The following POLE variants were observed in gnomAD, a reference collection of about 807,000 sequenced individuals.
POLE encodes DNA polymerase epsilon catalytic subunit A.
Under a neutral mutation model 279.2 loss-of-function variants are expected in POLE, and 188 were observed. That is an observed-to-expected ratio of 0.67 (90% CI 0.60 to 0.76). The LOEUF (loss-of-function observed/expected upper bound fraction) is 0.76. POLE is among the 30% of genes least tolerant of loss of function. The probability of loss-of-function intolerance (pLI) is 0.00; values close to 1 mark genes in which losing one functional copy is unlikely to be tolerated. For missense variants in POLE, 2,703 were observed against 3,016.7 expected, an observed-to-expected ratio of 0.90 and a Z score of 2.44; for synonymous variants, 1,214 against 1,172.5, an observed-to-expected ratio of 1.04 and a Z score of -0.72.
chr12:132,630,556 C>G (rs2041916382), intron 45 of POLE, among the ~76,000 whole-genome samples: 1 of 152,092 alleles, frequency 6.6e-6, no homozygotes, highest in Non-Finnish European at 1.5e-5. Context: ...TCGAGACCAG[C>G]CTGGCCAACA....
In POLE at chr12:132,632,717, C is replaced by A; in HGVS notation, c.6083G>T (p.Arg2028Met). The A allele has an allele frequency of 6.2e-7, 1 of 1,613,840 alleles. No individual in the cohort carries two copies. The highest frequency in any genetic ancestry group is 8.5e-7 in the Non-Finnish European group (1 of 1,179,978). Residue 2028 changes from arginine to methionine, a missense_variant, in exon 44 of 49, where the codon AGG becomes ATG. By Grantham distance (91) the Arg-to-Met change is moderately conservative. Transcript: ENST00000320574. ...CTCCTGGGAGAGCTGGCTGGCCCCCCTCCTCCTCACGGGGGTGCTCCCTGG... is the reference window on the plus strand; with the variant it reads ...CTCCTGGGAGAGCTGGCTGGCCCCCATCCTCCTCACGGGGGTGCTCCCTGG... ...SAPGSTPVRR[R>M]GASQLSQEAE...
rs1555222550 is a variant in POLE, at chr12:132,642,522, C to A, written c.4936G>T (p.Ala1646Ser). Residue 1646 changes from alanine (A) to serine (S), a missense_variant, in exon 37 of 49, where the codon GCC (alanine) becomes TCC (serine). Around this residue, in one of 5 missense-constraint regions of POLE, gnomAD observed 1,551 missense variants for 1,686.1 expected, o/e 0.92. Transcript: ENST00000320574. ...TGTGCTCACCTGCTCATCTCGAAGG[C>A]CTGCGACAGGCAGGTGTCCAGGTTG... is the stretch of plus-strand genomic sequence containing the variant. ...YLNLDTCLSQ[A>S]FEMSRYFHIP... 6.2e-7 allele frequency: 1 copy of A among 1,613,726 alleles called. No homozygotes were observed. Among genetic ancestry groups the A allele is most frequent in the Non-Finnish European group, 8.5e-7 (1 of 1,180,022 alleles).
rs763078534 is a variant in POLE, at chr12:132,672,705, A to G, written c.1608T>C (p.Ser536=). Residue 536 remains serine (S), a synonymous_variant, in exon 15 of 49, where the codon TCT becomes TCC. Transcript: ENST00000320574. The part of the protein sequence containing the change: ...KLTDDGHVLD[S]ETYVGGHVEA... The stretch of plus-strand genomic sequence containing the variant: ...CCACGTGGCCCCCGACGTAGGTCTC[A>G]GAGTCCAGCACGTGTCCGTCGTCCG... 2.5e-6 allele frequency: 4 copies of G among 1,614,060 alleles called. No individual in the cohort carries two copies. The African/African-American group carries it at 4.0e-5, about 16-fold the overall frequency.
At chr12:132,632,872 T>C (rs979192887) in intron 43 of POLE, 77 bp from the exon 44 acceptor site, 4 of 1,467,310 alleles carry the variant, frequency 2.7e-6, no homozygotes, top group Non-Finnish European at 3.6e-6. Context: ...GACCCATGGC[T>C]GGTCAGATTG....
At chr12:132,672,862 C>A in intron 14 of POLE, 23 bp from the exon 15 acceptor site, 1 of 1,601,506 alleles carries the variant, frequency 6.2e-7, no homozygotes, top group South Asian at 1.1e-5. Context: ...CCAAGGCTTC[C>A]AGCCAAAAGC....
chr12:132,657,103 C>T (rs2138655482), intron 29 of POLE, 33 bp downstream of exon 29: 1 of 1,611,104 alleles, frequency 6.2e-7, no homozygotes, highest in South Asian at 1.1e-5. Context: ...CACAAGGATC[C>T]CGCCCAGCCC....
rs749992643 is a variant in POLE at position 132,634,324 on chromosome 12, C to T, written c.5866G>A (p.Glu1956Lys). Residue 1956 changes from glutamate to lysine, a missense_variant, in exon 43 of 49, where the codon GAG (glutamate) becomes AAG (lysine). Physicochemically the swap from Glu to Lys is moderately conservative, Grantham distance 56 (BLOSUM62 1). Coordinates refer to ENST00000320574, the MANE Select transcript of POLE (RefSeq NM_006231.4). This position sits in a 1 kb window ranked among gnomAD's most constrained non-coding sequence, Gnocchi z 4.0. ...TCCTCCTCCCCATCTCTTTCCTCCT[C>T]ATCGTCCTCATTTTCCTGCTCATCC... Reference protein sequence around the residue: ...AEDEQENEDDEEERDGEEEEE... With the variant: ...AEDEQENEDDKEERDGEEEEE... 1.6e-5 allele frequency: 26 copies of T among 1,614,002 alleles called. No individual in the cohort carries two copies. The highest frequency in any genetic ancestry group is 2.1e-5 in the Non-Finnish European group (25 of 1,179,976).
rs749720207 is a variant in POLE, at chr12:132,680,651, C to T, written c.241G>A (p.Ala81Thr). 8 of 1,613,962 alleles carry T rather than the reference C, an allele frequency of 5.0e-6. No individual in the cohort carries two copies. Among genetic ancestry groups the T allele is most frequent in the East Asian group, 4.5e-5 (2 of 44,898 alleles). Residue 81 changes from alanine (A) to threonine (T), a missense_variant, in exon 3 of 49, where the codon GCA becomes ACA. Coordinates refer to ENST00000320574, the MANE Select transcript of POLE (RefSeq NM_006231.4). Reference sequence around the variant, plus strand: ...TCTTGAATAAAGTAGTAATCCACTGCACTGCCTAAGCGCTTATCTTCATCT... The same window carrying T: ...TCTTGAATAAAGTAGTAATCCACTGTACTGCCTAAGCGCTTATCTTCATCT... ...ILDEDKRLGSAVDYYFIQDDG... is the reference protein window; with the variant it reads ...ILDEDKRLGSTVDYYFIQDDG...
chr12:132,665,057 C>A (rs1476289434), intron 21 of POLE, among the ~76,000 whole-genome samples: 2 of 152,074 alleles, frequency 1.3e-5, no homozygotes, highest in East Asian at 3.9e-4. Flanking sequence ...TGTCTCCAGC[C>A]CATGATGCAG....
chr12:132,668,831 T>C lies in POLE; in HGVS notation c.1903A>G (p.Ile635Val). The stretch of plus-strand genomic sequence containing the variant: ...CTCACCTGCAGGCGGTTGGTCAGGA[T>C]GATGTTGGGGTACATGGCCCCCACG... ...LDVGAMYPNI[I>V]LTNRLQPSAM... Residue 635 changes from isoleucine (I) to valine (V), a missense_variant, in exon 17 of 49, where the codon ATC becomes GTC. By Grantham distance (29) the Ile-to-Val change is conservative. This residue lies in a region of POLE where 1,011 missense variants were observed against 1,111.7 expected (regional missense o/e 0.91). Coordinates refer to ENST00000320574, the MANE Select transcript of POLE (RefSeq NM_006231.4). The surrounding 1 kb of genome is among the most constrained non-coding windows in gnomAD (Gnocchi z 4.0). 2 of 1,614,176 alleles carry C rather than the reference T, an allele frequency of 1.2e-6. No homozygotes were observed. The highest frequency in any genetic ancestry group is 1.7e-6 in the Non-Finnish European group (2 of 1,180,032).
Position 132,632,761 on chromosome 12 carries a change from G to A in POLE, c.6039C>T (p.Asp2013=), listed in dbSNP as rs371563366. ...YIVAVYHCMK[D]GLRRSAPGST... is the part of the protein sequence containing the mutation. ...TCCCTGGAGCACTGCGCCTCAGCCCGTCCTTCATGCAGTGGTACACGGCCA... is the reference window on the plus strand; with the variant it reads ...TCCCTGGAGCACTGCGCCTCAGCCCATCCTTCATGCAGTGGTACACGGCCA... The change falls in exon 44 of 49, where the codon GAC becomes GAT. Residue 2013 remains aspartate (D), a synonymous_variant. Coordinates refer to ENST00000320574, the MANE Select transcript of POLE (RefSeq NM_006231.4). 53 of 1,611,844 alleles carry A rather than the reference G, an allele frequency of 3.3e-5. No homozygotes were observed. The highest frequency in any genetic ancestry group is 3.0e-4 in the Admixed American group (18 of 59,968).
intron 30 of POLE, 23 bp from the exon 31 acceptor site, chr12:132,649,538 C>A (rs1369426668): frequency 6.2e-7 from 1 of 1,609,000 alleles, no homozygotes; most frequent in Non-Finnish European, 8.5e-7. Context: ...GTGAGCACAG[C>A]CAGTGTGCAA....
At chr12:132,681,451 C>T (rs2043167286) in intron 1 of POLE, among the ~76,000 whole-genome samples, 172 bp from the exon 2 acceptor site, 2 of 151,958 alleles carry the variant, frequency 1.3e-5, no homozygotes, top group African/African-American at 4.8e-5. Flanking sequence ...TCACGCCATT[C>T]TCCTGCCTCA....
intron 42 of POLE, among the ~76,000 whole-genome samples, chr12:132,635,205 G>C (rs5744998): frequency 6.6e-6 from 1 of 151,900 alleles, no homozygotes; most frequent in Non-Finnish European, 1.5e-5. Context: ...CCAGCCAGAC[G>C]TGACCCCTTC....
chr12:132,664,356 C>T lies in POLE; in HGVS notation c.2561+14G>A, dbSNP rs912028278. The T allele has an allele frequency of 6.8e-6, 11 of 1,611,806 alleles. No individual in the cohort carries two copies. The highest frequency in any genetic ancestry group is 6.7e-5 in the East Asian group (3 of 44,850). ...GACCTGCTCCCAGCCCCACGGCTCC[C>T]CTTCTGCACTCACCCAATCTGCTCG... On this transcript the variant is annotated intron_variant, in intron 22 of 48. Transcript: ENST00000320574. This position sits in a 1 kb window ranked among gnomAD's most constrained non-coding sequence, Gnocchi z 5.3.
Position 132,680,060 on chromosome 12 carries a change from G to C in POLE, c.331-14C>G. The C allele has an allele frequency of 6.2e-7, 1 of 1,608,622 alleles. No homozygotes were observed. Among genetic ancestry groups the C allele is most frequent in the Non-Finnish European group, 8.5e-7 (1 of 1,175,340 alleles). On this transcript the variant is annotated splice_polypyrimidine_tract_variant and intron_variant, in intron 4 of 48. Coordinates refer to ENST00000320574, the MANE Select transcript of POLE (RefSeq NM_006231.4). Reference sequence around the variant, plus strand: ...TCGCTCACAACCCTAATCAGGATCAGAATGAAAAGGCTTTCCATTGGTAAA... The same window carrying C: ...TCGCTCACAACCCTAATCAGGATCACAATGAAAAGGCTTTCCATTGGTAAA...
In POLE at chr12:132,641,194, G is replaced by A. The variant is rs571077978; in HGVS notation, c.5378+453C>T. 5.6e-4 allele frequency: 222 copies of A among 396,674 alleles called. 1 individual carries two copies. In the East Asian group the frequency reaches 8.0e-3, roughly 14 times the overall value. 24.6% of individuals were successfully genotyped at this position (396,674 alleles called of 1,614,324 possible). Reference sequence around the variant, plus strand: ...CAAGCATTGCCCAGCATGAACCACCGCTGGTGGGTAATGCGAGTAGCTGCC... The same window carrying A: ...CAAGCATTGCCCAGCATGAACCACCACTGGTGGGTAATGCGAGTAGCTGCC... On this transcript the variant is annotated intron_variant, in intron 39 of 48. Transcript: ENST00000320574.
chr12:132,686,020 C>A (rs978495948), intron 1 of POLE, among the ~76,000 whole-genome samples: 3 of 152,032 alleles, frequency 2.0e-5, no homozygotes, highest in Non-Finnish European at 4.4e-5. Context: ...GGATTACAGG[C>A]ATGCGCCACC....
chr12:132,643,739 G>T (rs556940051), intron 33 of POLE, 98 bp downstream of exon 33: 1 of 1,477,716 alleles, frequency 6.8e-7, no homozygotes, highest in Non-Finnish European at 9.3e-7. Context: ...GTCCACTGTC[G>T]CTGCTGTTCC....
Sources: allele counts gnomAD v4.1 joint callset (sites outside exome capture counted in the v4.1 genomes callset), GRCh38; gene constraint gnomAD v4.1.1; regional missense constraint gnomAD v4.1.1; non-coding constraint Gnocchi (gnomAD v3.1); transcripts MANE v1.5; gene names NCBI Gene and HGNC (gene_info 2026-07-23, HGNC 2026-07-21).